Variants in ZC4H2 observed in about 807,000 individuals in gnomAD.
ZC4H2 encodes zinc finger C4H2 domain-containing protein.
For synonymous variants in ZC4H2, 84 were observed against 66.3 expected (o/e 1.27, Z -1.30); for missense variants, 137 against 173.9 (o/e 0.79, Z 1.19).
At chrX:64,976,040 G>C (rs929136061) in intron 1 of ZC4H2, among the ~76,000 whole-genome samples, 15 of 111,605 alleles carry the variant, frequency 1.3e-4, no homozygotes, top group Non-Finnish European at 3.8e-5. Flanking sequence ...TTTAAAAAAC[G>C]TGTCCATGAA....
chrX:64,943,650 C>T (rs1375438362), intron 1 of ZC4H2, among the ~76,000 whole-genome samples: 1 of 111,065 alleles, frequency 9.0e-6, no homozygotes, highest in Non-Finnish European at 1.9e-5. Context: ...GGATTGCAGC[C>T]CCTGCTTTTT....
chrX:64,943,456 G>A (rs969291084), intron 1 of ZC4H2, among the ~76,000 whole-genome samples: 7 of 111,546 alleles, frequency 6.3e-5, no homozygotes, highest in Admixed American at 9.5e-5. Flanking sequence ...TGATTATTGT[G>A]TGGAAGTCTT....
chrX:64,970,435 T>A (rs1162441887), intron 1 of ZC4H2, among the ~76,000 whole-genome samples: 1 of 99,189 alleles, frequency 1.0e-5, no homozygotes, highest in Non-Finnish European at 2.0e-5. Context: ...ACAGAGGAGC[T>A]TACCAAGACT....
At chrX:64,979,045 A>T (rs746143574), upstream of ZC4H2, among the ~76,000 whole-genome samples, 50 of 111,862 alleles carry the variant, frequency 4.5e-4, no homozygotes, top group African/African-American at 1.5e-3. Context: ...TTAGAGTCTG[A>T]TTTGGTAATA....
intron 1 of ZC4H2, 115 bp downstream of exon 1, chrX:64,976,210 G>A (rs1931941279): frequency 1.2e-6 from 1 of 848,632 alleles, no homozygotes; most frequent in African/African-American, 2.0e-5. Context: ...GCAAGTCTGT[G>A]GTGAATGGGC....
chrX:64,951,335 C>A (rs1198787083), intron 1 of ZC4H2, among the ~76,000 whole-genome samples: 1 of 111,818 alleles, frequency 8.9e-6, no homozygotes, highest in East Asian at 2.8e-4. Flanking sequence ...ATGGCTGGGT[C>A]AAATGGTATT....
chrX:64,933,800 C>T (rs1279700732), intron 1 of ZC4H2, among the ~76,000 whole-genome samples: 1 of 111,043 alleles, frequency 9.0e-6, no homozygotes, highest in East Asian at 2.8e-4. Flanking sequence ...TTAATTTTCC[C>T]CCATTTTTAT....
In ZC4H2 at chrX:64,999,050, T is replaced by TG. The variant is rs1342276053; in HGVS notation, c.-272+35578_-272+35579insC. 2.7e-4 allele frequency among the ~76,000 whole-genome samples: 26 copies of TG among 96,012 alleles called. No homozygotes were observed. The East Asian group carries it at 7.7e-3, about 28-fold the overall frequency. The allele number at this position is 96,012 out of a possible 115,157, so 83.4% of individuals were successfully genotyped here. A position where few individuals can be genotyped will look rare whatever the true frequency, so the allele number is the denominator to read the frequency against. ...CAGTTGGATTATGTGTTTTTTTTTT[T>TG]TTTTTTTTTTTTTTTTTTAATCTAT... On this transcript the variant is annotated intron_variant, in intron 1 of 4. Coordinates refer to the ZC4H2 transcript ENST00000337990.
chrX:65,007,591 C>G (rs866923115), intron 1 of ZC4H2, among the ~76,000 whole-genome samples: 7 of 111,731 alleles, frequency 6.3e-5, no homozygotes, highest in South Asian at 3.7e-4. Context: ...AAAAAGGGTG[C>G]CAGCCCTTCA....
intron 1 of ZC4H2, among the ~76,000 whole-genome samples, chrX:64,995,907 T>C (rs1460479160): frequency 8.9e-6 from 1 of 112,370 alleles, no homozygotes; most frequent in African/African-American, 3.2e-5. Flanking sequence ...AACACGAAGA[T>C]GCTTGAGGCA....
intron 1 of ZC4H2, among the ~76,000 whole-genome samples, chrX:64,944,482 C>A (rs889116272): frequency 1.8e-5 from 2 of 111,338 alleles, no homozygotes; most frequent in Non-Finnish European, 3.8e-5. Flanking sequence ...TGTTGGTAAC[C>A]TGACCTTTTT....
intron 1 of ZC4H2, among the ~76,000 whole-genome samples, chrX:64,993,003 G>T (rs1293864428): frequency 9.0e-6 from 1 of 111,154 alleles, no homozygotes; most frequent in Non-Finnish European, 1.9e-5. Flanking sequence ...CCTGGTCCTG[G>T]GCCCCTTAAC....
At chrX:65,028,444 A>T (rs948080700) in intron 1 of ZC4H2, among the ~76,000 whole-genome samples, 2 of 112,157 alleles carry the variant, frequency 1.8e-5, no homozygotes, top group Admixed American at 1.9e-4. Context: ...TCTTGGCTTG[A>T]GTCACATAAA....
intron 1 of ZC4H2, among the ~76,000 whole-genome samples, chrX:65,032,043 A>C (rs1932939168): frequency 9.0e-6 from 1 of 111,503 alleles, no homozygotes; most frequent in Admixed American, 9.5e-5. Flanking sequence ...ATTGATATAG[A>C]GAGGTCTGTT....
intron 1 of ZC4H2, among the ~76,000 whole-genome samples, chrX:64,993,404 T>G (rs967142696): frequency 9.0e-6 from 1 of 111,388 alleles, no homozygotes; most frequent in African/African-American, 3.3e-5. Context: ...CCTAAAAAAA[T>G]TATGTTAAAA....
At chrX:64,940,466 T>G (rs762934285) in intron 1 of ZC4H2, among the ~76,000 whole-genome samples, 1 of 112,152 alleles carries the variant, frequency 8.9e-6, no homozygotes, top group Non-Finnish European at 1.9e-5. Flanking sequence ...GTTCCAGTCA[T>G]GAAGTCTTTG....
chrX:65,016,269 C>G (rs765042165), intron 1 of ZC4H2, among the ~76,000 whole-genome samples: 1 of 111,286 alleles, frequency 9.0e-6, no homozygotes, highest in East Asian at 2.8e-4. Flanking sequence ...GACCAATGAT[C>G]TTAAGTGGGA....
chrX:65,034,183 C>T (rs1234620864), intron 1 of ZC4H2, among the ~76,000 whole-genome samples: 1 of 111,150 alleles, frequency 9.0e-6, no homozygotes, highest in Non-Finnish European at 1.9e-5. Flanking sequence ...AAAGCCCATT[C>T]TCTAAGCCAG....
At chrX:65,008,224 CTATT>C (rs1932699319) in intron 1 of ZC4H2, among the ~76,000 whole-genome samples, 1 of 111,960 alleles carries the variant, frequency 8.9e-6, no homozygotes, top group Admixed American at 9.5e-5. Context: ...TTCAACATCA[CTATT>C]TATCAGAGAA....
Sources: allele counts gnomAD v4.1 joint callset (sites outside exome capture counted in the v4.1 genomes callset), GRCh38; gene constraint gnomAD v4.1.1; transcripts MANE v1.5; gene names NCBI Gene and HGNC (gene_info 2026-07-23, HGNC 2026-07-21).